Variants in PTPN4 observed in about 807,000 individuals in gnomAD.
The protein encoded by PTPN4 is tyrosine-protein phosphatase non-receptor type 4.
In PTPN4, 49 loss-of-function variants were observed where a neutral mutation model predicts 135.5. The observed-to-expected ratio is 0.36, with a 90% CI of 0.29 to 0.46. The LOEUF is 0.46. Among genes scored for constraint, PTPN4 ranks in the 20% least tolerant of loss-of-function variants. The pLI is 1.00. For missense variants in PTPN4, 860 were observed against 1,101.0 expected (o/e 0.78, Z 3.10); for synonymous variants, 333 against 369.9 (o/e 0.90, Z 1.14).
intron 2 of PTPN4, among the ~76,000 whole-genome samples, chr2:119,831,426 C>T (rs1036344643): frequency 2.0e-5 from 3 of 152,160 alleles, no homozygotes; most frequent in African/African-American, 7.2e-5. Context: ...TTTGGACTCT[C>T]TATTATTTTT....
At chr2:119,801,091 T>A (rs1691354160) in intron 1 of PTPN4, among the ~76,000 whole-genome samples, 1 of 152,226 alleles carries the variant, frequency 6.6e-6, no homozygotes, top group African/African-American at 2.4e-5. Flanking sequence ...ATTAATTTTT[T>A]ATTTTTTTTA....
intron 12 of PTPN4, among the ~76,000 whole-genome samples, chr2:119,922,365 G>A (rs1165314491): frequency 6.6e-6 from 1 of 152,086 alleles, no homozygotes; most frequent in East Asian, 1.9e-4. Context: ...ACTATTAAAT[G>A]GGATATGTAC....
chr2:119,834,592 G>A (rs1376484228), intron 2 of PTPN4, among the ~76,000 whole-genome samples: 3 of 151,994 alleles, frequency 2.0e-5, no homozygotes, highest in Non-Finnish European at 4.4e-5. Context: ...CCCCCTTCAG[G>A]TGGGAGTACT....
intron 10 of PTPN4, among the ~76,000 whole-genome samples, chr2:119,905,760 G>A (rs1678478087): frequency 6.6e-6 from 1 of 152,052 alleles, no homozygotes; most frequent in African/African-American, 2.4e-5. Context: ...ATTATATCCA[G>A]TATTTTCTCA....
At chr2:119,845,611 GTTCT>G (rs1677485952) in intron 2 of PTPN4, among the ~76,000 whole-genome samples, 1 of 150,802 alleles carries the variant, frequency 6.6e-6, no homozygotes, top group Non-Finnish European at 1.5e-5. Flanking sequence ...CTCTTTTTTT[GTTCT>G]TTCTCAGTCT....
chr2:119,939,083 A>G (rs1679026569), intron 15 of PTPN4, among the ~76,000 whole-genome samples: 1 of 152,220 alleles, frequency 6.6e-6, no homozygotes, highest in Non-Finnish European at 1.5e-5. Flanking sequence ...TACCTCAAAG[A>G]GTTGCTATAA....
At chr2:119,783,895 A>G (rs1388821582) in intron 1 of PTPN4, among the ~76,000 whole-genome samples, 2 of 152,194 alleles carry the variant, frequency 1.3e-5, no homozygotes, top group Non-Finnish European at 2.9e-5. Flanking sequence ...TCTGTTCCAC[A>G]GTGTCTGCTT....
chr2:119,834,083 G>A (rs1574359207), intron 2 of PTPN4, among the ~76,000 whole-genome samples: 1 of 152,006 alleles, frequency 6.6e-6, no homozygotes, highest in African/African-American at 2.4e-5. Context: ...TATGATACAG[G>A]GTGCATGTTA....
chr2:119,788,707 C>T (rs1465015899), intron 1 of PTPN4, among the ~76,000 whole-genome samples: 2 of 152,138 alleles, frequency 1.3e-5, no homozygotes, highest in Non-Finnish European at 2.9e-5. Context: ...GCGTATTTGA[C>T]TTAGCATAAT....
chr2:119,849,441 C>T (rs765301162), intron 2 of PTPN4, among the ~76,000 whole-genome samples: 15 of 152,110 alleles, frequency 9.9e-5, no homozygotes, highest in Admixed American at 2.6e-4. Context: ...GCTGGGATTA[C>T]AGGCACACAG....
At chr2:119,840,454 C>T (rs949422003) in intron 2 of PTPN4, among the ~76,000 whole-genome samples, 2 of 152,160 alleles carry the variant, frequency 1.3e-5, no homozygotes, top group Admixed American at 6.5e-5. Flanking sequence ...TTCCATGGTG[C>T]GTATGTACCA....
intron 2 of PTPN4, among the ~76,000 whole-genome samples, chr2:119,840,993 A>G (rs1409353971): frequency 3.3e-5 from 5 of 152,162 alleles, no homozygotes; most frequent in South Asian, 2.1e-4. Flanking sequence ...TCAGATGGAT[A>G]GATTGCAGAA....
chr2:119,908,913 G>GT (rs1440745124), intron 10 of PTPN4, among the ~76,000 whole-genome samples: 3 of 152,152 alleles, frequency 2.0e-5, no homozygotes, highest in Admixed American at 1.3e-4. Context: ...TCTTAGTGGT[G>GT]TGGATACATG....
chr2:119,776,739 G>A (rs1187739872), intron 1 of PTPN4, among the ~76,000 whole-genome samples: 1 of 152,114 alleles, frequency 6.6e-6, no homozygotes, highest in African/African-American at 2.4e-5. Flanking sequence ...CTCTTCGTTA[G>A]GATTCTTAAC....
At chr2:119,896,218 A>T (rs10864989) in intron 9 of PTPN4, among the ~76,000 whole-genome samples, 44,209 of 151,444 alleles carry the variant, frequency 0.29, 6,604 homozygotes, top group African/African-American at 0.35. Flanking sequence ...ATTTTTTTTT[A>T]AATAATTTTT....
At chr2:119,844,321 ACGGGGCGGCTGGCCGGG>A (rs1427434249) in intron 2 of PTPN4, among the ~76,000 whole-genome samples, 8 of 108,152 alleles carry the variant, frequency 7.4e-5, no homozygotes, top group South Asian at 3.5e-4. Flanking sequence ...GGCTGGCCGG[ACGGGGCGGCTGGCCGGG>A]CGGGGGGCTG....
At chr2:119,865,471 G>T (rs974832301) in intron 3 of PTPN4, among the ~76,000 whole-genome samples, 1 of 151,930 alleles carries the variant, frequency 6.6e-6, no homozygotes, top group Non-Finnish European at 1.5e-5. Context: ...TTAATGTCAC[G>T]CAAATTAGTG....
chr2:119,768,632 T>G (rs1416615405), intron 1 of PTPN4, among the ~76,000 whole-genome samples: 1 of 152,220 alleles, frequency 6.6e-6, no homozygotes, highest in African/African-American at 2.4e-5. Flanking sequence ...TCCTATTATC[T>G]CCTCAGTGTA....
intron 1 of PTPN4, among the ~76,000 whole-genome samples, chr2:119,769,593 A>G (rs973643386): frequency 2.0e-5 from 3 of 152,250 alleles, no homozygotes; most frequent in African/African-American, 7.2e-5. Context: ...TACAATGAAT[A>G]TAGATGAGAC....
Sources: allele counts gnomAD v4.1 joint callset (sites outside exome capture counted in the v4.1 genomes callset), GRCh38; gene constraint gnomAD v4.1.1; transcripts MANE v1.5; gene names NCBI Gene and HGNC (gene_info 2026-07-23, HGNC 2026-07-21).